The following SYNE1 variants were observed in gnomAD, a reference collection of about 807,000 sequenced individuals.
The protein encoded by SYNE1 is nesprin-1.
SYNE1 carries 616 observed loss-of-function variants against 1,111.0 expected under a neutral mutation model. The observed-to-expected ratio is 0.55, with a 90% CI of 0.52 to 0.59. The LOEUF (loss-of-function observed/expected upper bound fraction) is 0.59. Ranked by LOEUF, SYNE1 falls within the 20% of genes least tolerant of loss-of-function variation. The pLI is 0.00. For missense variants in SYNE1, 10,006 were observed against 10,417.0 expected, an observed-to-expected ratio of 0.96 and a Z score of 1.72; for synonymous variants, 3,855 against 3,825.8, an observed-to-expected ratio of 1.01 and a Z score of -0.28.
rs772642151 is a variant in SYNE1 at position 152,310,698 on chromosome 6, T to C, written c.16886A>G (p.Asp5629Gly). Residue 5629 changes from aspartate to glycine, a missense_variant, in exon 88 of 146, where the codon GAT becomes GGT. By Grantham distance (94) the Asp-to-Gly change is moderately conservative. Coordinates refer to ENST00000367255, the MANE Select transcript of SYNE1 (RefSeq NM_182961.4). Reference sequence around the variant, plus strand: ...TTTTTCTTTTTTTACCTTAGCTGCATCTTGGAGGTTCTGCAAACGAATTTT... The same window carrying C: ...TTTTTCTTTTTTTACCTTAGCTGCACCTTGGAGGTTCTGCAAACGAATTTT... Reference protein sequence around the residue: ...MIKIRLQNLQDAAKDMKKFEA... With the variant: ...MIKIRLQNLQGAAKDMKKFEA... The C allele has an allele frequency of 7.4e-6, 12 of 1,613,790 alleles. No homozygotes were observed. The South Asian group carries it at 9.9e-5, about 13-fold the overall frequency.
intron 91 of SYNE1, 79 bp from the exon 92 acceptor site, chr6:152,302,142 G>C: frequency 1.3e-6 from 2 of 1,592,108 alleles, no homozygotes; most frequent in Non-Finnish European, 1.7e-6. Context: ...TCTTCCTGCA[G>C]GGCGAGCCAA....
chr6:152,356,880 C>T (rs1255850646), intron 66 of SYNE1, among the ~76,000 whole-genome samples: 2 of 152,326 alleles, frequency 1.3e-5, no homozygotes, highest in Admixed American at 1.3e-4. Context: ...ACCAGAGCAA[C>T]AGCAACATCT....
intron 52 of SYNE1, 134 bp downstream of exon 52, chr6:152,391,143 C>A (rs758038160): frequency 1.9e-4 from 246 of 1,320,836 alleles, no homozygotes; most frequent in Admixed American, 2.9e-4. Flanking sequence ...TCCTTTTTTG[C>A]CCAATTTCTC....
intron 102 of SYNE1, among the ~76,000 whole-genome samples, chr6:152,256,023 C>T (rs1249378816): frequency 6.6e-6 from 1 of 152,024 alleles, no homozygotes; most frequent in Non-Finnish European, 1.5e-5. Context: ...TACTTGAACC[C>T]AGGAGGTGGA....
intron 30 of SYNE1, 75 bp downstream of exon 30, chr6:152,444,336 A>G: frequency 6.5e-7 from 1 of 1,535,982 alleles, no homozygotes; most frequent in Non-Finnish European, 9.0e-7. Context: ...CAGTGGTTGT[A>G]TTCTTTATCT....
rs1020385567 is a variant in SYNE1 at position 152,236,295 on chromosome 6, T to C, written c.20208A>G (p.Lys6736=). The C allele has an allele frequency of 1.2e-6, 2 of 1,610,754 alleles. No homozygotes were observed. Among genetic ancestry groups the C allele is most frequent in the Admixed American group, 3.3e-5 (2 of 59,990 alleles). ...TGGGCTGGTATTCATTAAGGCTAGA[T>C]TTTAAATGCTAAAATATTGAAATTA... The part of the protein sequence containing the change: ...IDRITLYQHL[K]SSLNEYQPKL... The change falls in exon 110 of 146, where the codon AAA becomes AAG. Residue 6736 remains lysine, a synonymous_variant. Coordinates refer to ENST00000367255, the MANE Select transcript of SYNE1 (RefSeq NM_182961.4).
chr6:152,195,951 G>T (rs2074011641), intron 127 of SYNE1, among the ~76,000 whole-genome samples: 1 of 152,168 alleles, frequency 6.6e-6, no homozygotes, highest in African/African-American at 2.4e-5. Context: ...TCTACCTGGT[G>T]CTCTGTTCTA....
At chr6:152,249,521 C>CT (rs1467896738) in intron 104 of SYNE1, among the ~76,000 whole-genome samples, 3 of 152,194 alleles carry the variant, frequency 2.0e-5, no homozygotes, top group African/African-American at 7.2e-5. Context: ...AAAAGCAACG[C>CT]TTGTCACCCT....
At chr6:152,319,076 A>G (rs959860137) in intron 84 of SYNE1, 61 bp from the exon 85 acceptor site, 11 of 1,599,228 alleles carry the variant, frequency 6.9e-6, no homozygotes, top group Non-Finnish European at 9.4e-6. Context: ...ATAGATACTA[A>G]AAATCTCAAA....
rs199900975 is a variant in SYNE1, at chr6:152,135,002, T to TA, written c.25788+101dup. On this transcript the variant is annotated intron_variant, in intron 142 of 145. Transcript: ENST00000367255. ...AAGTAGAGACTATAATGCAAAAAGT[T>TA]AAAAAAAAAGAAACAACACTTACCA... 1.4e-3 allele frequency: 2,057 copies of TA among 1,518,974 alleles called. 13 individuals are homozygous for TA. In the African/African-American group the frequency reaches 0.023, roughly 17 times the overall value. 94.1% of individuals were successfully genotyped at this position (1,518,974 alleles called of 1,614,324 possible).
chr6:152,342,373 G>A lies in SYNE1; in HGVS notation c.12225+1708C>T, dbSNP rs144044753. ...CAAGACAAGGTGGCTTGTGGGTCAA[G>A]GAAACTCACAGTCTAATAAAAAAGT... On this transcript the variant is annotated intron_variant, in intron 74 of 145. Coordinates refer to ENST00000367255, the MANE Select transcript of SYNE1 (RefSeq NM_182961.4). Among the ~76,000 whole-genome samples the A allele has an allele frequency of 8.8e-4, 134 of 152,250 alleles. 1 individual carries two copies. Among genetic ancestry groups the A allele is most frequent in the African/African-American group, 3.2e-3 (134 of 41,556 alleles).
intron 130 of SYNE1, among the ~76,000 whole-genome samples, chr6:152,171,573 G>C (rs542343478): frequency 6.6e-6 from 1 of 152,294 alleles, no homozygotes; most frequent in African/African-American, 2.4e-5. Flanking sequence ...ATCTAATCTG[G>C]AGAGAAGGAA....
At chr6:152,382,657 G>A (rs1013654178) in intron 55 of SYNE1, among the ~76,000 whole-genome samples, 2 of 152,078 alleles carry the variant, frequency 1.3e-5, no homozygotes, top group African/African-American at 4.8e-5. Flanking sequence ...GTTATTTGAT[G>A]AAGAAAAAAA....
chr6:152,590,530 G>A (rs866921488), intron 3 of SYNE1, among the ~76,000 whole-genome samples: 2 of 151,848 alleles, frequency 1.3e-5, no homozygotes, highest in Admixed American at 6.6e-5. Context: ...GCTTCCCATA[G>A]TTTCTACAAT....
chr6:152,234,839 C>A, intron 110 of SYNE1, 39 bp from the exon 111 acceptor site: 2 of 1,610,540 alleles, frequency 1.2e-6, no homozygotes, highest in Non-Finnish European at 1.7e-6. Flanking sequence ...GTAAACATTT[C>A]ATCCCTATCT....
At chr6:152,303,780 A>G (rs1371782768) in intron 91 of SYNE1, among the ~76,000 whole-genome samples, 2 of 152,254 alleles carry the variant, frequency 1.3e-5, no homozygotes, top group East Asian at 1.9e-4. Context: ...AAGAAGATCA[A>G]CATGCAGAGA....
chr6:152,465,251 A>C lies in SYNE1; in HGVS notation c.1932+7T>G. 1 of 1,613,356 alleles carries C rather than the reference A, an allele frequency of 6.2e-7. No homozygotes were observed. Among genetic ancestry groups the C allele is most frequent in the Non-Finnish European group, 8.5e-7 (1 of 1,179,596 alleles). ...ACGTCTTTTCTTTTTGCATGAACCA[A>C]TCTTACCTTTTTGGCATTTTCTGAT... On this transcript the variant is annotated splice_region_variant and intron_variant, in intron 18 of 145. Coordinates refer to ENST00000367255, the MANE Select transcript of SYNE1 (RefSeq NM_182961.4).
rs755209418 is a variant in SYNE1, at chr6:152,442,085, C to T, written c.3998G>A (p.Arg1333His). The part of the protein sequence containing the change: ...GLERSRERQE[R>H]RIQVTLRKWE... The stretch of plus-strand genomic sequence containing the variant: ...ACTTCCGGCTCCTACCTGGATGCGG[C>T]GTTCCTGCCTCTCCCGGCTGCGCTC... The change falls in exon 31 of 146, where the codon CGC becomes CAC. Residue 1333 changes from arginine (R) to histidine (H), a missense_variant. By Grantham distance (29) the Arg-to-His change is conservative (BLOSUM62 0). Coordinates refer to ENST00000367255, the MANE Select transcript of SYNE1 (RefSeq NM_182961.4). The T allele has an allele frequency of 4.3e-6, 7 of 1,614,014 alleles. No individual in the cohort carries two copies. Among genetic ancestry groups the T allele is most frequent in the Non-Finnish European group, 5.1e-6 (6 of 1,180,052 alleles).
chr6:152,439,770 C>T (rs146124709), intron 32 of SYNE1, among the ~76,000 whole-genome samples: 2,692 of 152,152 alleles, frequency 0.018, 36 homozygotes, highest in Non-Finnish European at 0.02. Flanking sequence ...TCTAAGACAC[C>T]GGTTAGTTCA....
Sources: allele counts gnomAD v4.1 joint callset (sites outside exome capture counted in the v4.1 genomes callset), GRCh38; gene constraint gnomAD v4.1.1; transcripts MANE v1.5; gene names NCBI Gene and HGNC (gene_info 2026-07-23, HGNC 2026-07-21).